The following NR3C2 variants were observed in gnomAD, a reference collection of about 807,000 sequenced individuals.
The protein encoded by NR3C2 is nuclear receptor subfamily 3 group C member 2.
Under a neutral mutation model 86.4 loss-of-function variants are expected in NR3C2, and 15 were observed. The ratio of observed to expected loss-of-function variants is 0.17; its 90% CI spans 0.12 to 0.27. The LOEUF (loss-of-function observed/expected upper bound fraction) is 0.27. Among genes scored for constraint, NR3C2 ranks in the 10% least tolerant of loss-of-function variants. NR3C2 has a pLI of 1.00. For synonymous variants in NR3C2, 458 were observed against 450.5 expected, an observed-to-expected ratio of 1.02 and a Z score of -0.21; for missense variants, 960 against 1,195.6, an observed-to-expected ratio of 0.80 and a Z score of 2.91.
intron 2 of NR3C2, among the ~76,000 whole-genome samples, chr4:148,273,918 C>T: frequency 6.6e-6 from 1 of 152,056 alleles, no homozygotes; most frequent in East Asian, 1.9e-4. Context: ...GCTGGTGCAG[C>T]TGGGGTGGAG....
At chr4:148,425,741 C>A (rs566060934) in intron 2 of NR3C2, among the ~76,000 whole-genome samples, 1 of 152,150 alleles carries the variant, frequency 6.6e-6, no homozygotes, top group African/African-American at 2.4e-5. Context: ...ATCTGATTTA[C>A]GTTTTTAAAA....
At chr4:148,387,325 C>T (rs1242394718) in intron 2 of NR3C2, among the ~76,000 whole-genome samples, 1 of 152,186 alleles carries the variant, frequency 6.6e-6, no homozygotes, top group Non-Finnish European at 1.5e-5. Flanking sequence ...TCAGAAAGAA[C>T]CTCAGATCCA....
intron 3 of NR3C2, among the ~76,000 whole-genome samples, chr4:148,236,881 T>C (rs1439774577): frequency 1.3e-5 from 2 of 152,296 alleles, no homozygotes; most frequent in African/African-American, 4.8e-5. Flanking sequence ...TTAAGATTAA[T>C]GGGATTGAAG....
intron 6 of NR3C2, among the ~76,000 whole-genome samples, chr4:148,128,017 G>A (rs369231133): frequency 1.3e-5 from 2 of 152,142 alleles, no homozygotes; most frequent in African/African-American, 4.8e-5. Flanking sequence ...TTTTTTCCTT[G>A]CTTTGGAGAG....
intron 4 of NR3C2, among the ~76,000 whole-genome samples, chr4:148,162,861 G>A (rs959359291): frequency 1.1e-4 from 16 of 152,112 alleles, no homozygotes; most frequent in African/African-American, 3.6e-4. Context: ...ACCTTGAGGA[G>A]TATCAGAAGG....
intron 6 of NR3C2, among the ~76,000 whole-genome samples, chr4:148,130,553 T>C (rs1732970650): frequency 6.6e-6 from 1 of 152,216 alleles, no homozygotes; most frequent in African/African-American, 2.4e-5. Context: ...TGTACTCTTC[T>C]GGATAGTGGG....
Position 148,137,686 on chromosome 4 carries a change from G to GT in NR3C2, c.2510+14782dup, listed in dbSNP as rs1327951740. Among the ~76,000 whole-genome samples, 4 of 152,160 alleles carry GT rather than the reference G, an allele frequency of 2.6e-5. No individual in the cohort carries two copies. In the East Asian group the frequency reaches 7.7e-4, roughly 29 times the overall value. The stretch of plus-strand genomic sequence containing the variant: ...CTAGTCCAGTGGTTCTCAAATTGTG[G>GT]TCTGAGGACGCCAGGGTGTCCCCAA... On this transcript the variant is annotated intron_variant, in intron 6 of 8. Coordinates refer to ENST00000358102, the MANE Select transcript of NR3C2 (RefSeq NM_000901.5).
chr4:148,286,960 C>G (rs1741555975), intron 2 of NR3C2, among the ~76,000 whole-genome samples: 1 of 152,184 alleles, frequency 6.6e-6, no homozygotes, highest in Non-Finnish European at 1.5e-5. Context: ...TATTCTGCAT[C>G]TGTATTTCCT....
rs565672808 is a variant in NR3C2, at chr4:148,080,853, G to C, written c.*491C>G. 1 of 393,824 alleles carries C rather than the reference G, an allele frequency of 2.5e-6. No individual in the cohort carries two copies. The highest frequency in any genetic ancestry group is 7.6e-5 in the East Asian group (1 of 13,072). The allele number at this position is 393,824 out of a possible 1,614,324, so 24.4% of individuals were successfully genotyped here. A position where few individuals can be genotyped will look rare whatever the true frequency, so the allele number is the denominator to read the frequency against. ...CACGAGTTCTGTTATTACACAACAGGAATCTGTATATATTTTTTTATTATT... is the reference window on the plus strand; with the variant it reads ...CACGAGTTCTGTTATTACACAACAGCAATCTGTATATATTTTTTTATTATT... On this transcript the variant is annotated 3_prime_UTR_variant, in exon 9 of 9. Transcript: ENST00000358102.
intron 4 of NR3C2, among the ~76,000 whole-genome samples, chr4:148,176,043 T>C (rs1735359779): frequency 6.6e-6 from 1 of 152,214 alleles, no homozygotes; most frequent in Non-Finnish European, 1.5e-5. Flanking sequence ...CTCTAGCAGT[T>C]GCTGACCATC....
chr4:148,174,290 TACTC>T (rs1181125889), intron 4 of NR3C2, among the ~76,000 whole-genome samples: 1 of 152,146 alleles, frequency 6.6e-6, no homozygotes, highest in Non-Finnish European at 1.5e-5. Context: ...TCTTATATAA[TACTC>T]AGAAGTCAGA....
chr4:148,122,953 G>A (rs1188151079), intron 6 of NR3C2, among the ~76,000 whole-genome samples: 1 of 152,118 alleles, frequency 6.6e-6, no homozygotes, highest in Admixed American at 6.5e-5. Flanking sequence ...CAACCAAAAG[G>A]TCTGACTGCC....
intron 6 of NR3C2, among the ~76,000 whole-genome samples, chr4:148,122,017 C>G (rs1191687421): frequency 1.8e-5 from 2 of 109,482 alleles, no homozygotes; most frequent in Admixed American, 9.5e-5. Flanking sequence ...TTCATTCCAA[C>G]CAGCAGAGCA....
chr4:148,426,967 T>C (rs111869279), intron 2 of NR3C2, among the ~76,000 whole-genome samples: 10,280 of 150,678 alleles, frequency 0.068, 1,142 homozygotes, highest in African/African-American at 0.24. Context: ...TTTTCTTTTT[T>C]TTTTTTGAGA....
At chr4:148,161,228 A>G (rs1734644819) in intron 4 of NR3C2, among the ~76,000 whole-genome samples, 1 of 152,272 alleles carries the variant, frequency 6.6e-6, no homozygotes, top group African/African-American at 2.4e-5. Context: ...AGATTAATCT[A>G]CATAATTTAA....
chr4:148,219,806 A>G (rs1737739772), intron 3 of NR3C2, among the ~76,000 whole-genome samples: 1 of 152,228 alleles, frequency 6.6e-6, no homozygotes, highest in African/African-American at 2.4e-5. Flanking sequence ...ATATGCGATG[A>G]GTTTTATTGT....
chr4:148,261,209 T>C (rs1012055362), intron 2 of NR3C2, among the ~76,000 whole-genome samples: 6 of 151,928 alleles, frequency 3.9e-5, no homozygotes, highest in Non-Finnish European at 7.4e-5. Context: ...TGGTAAGCGC[T>C]ATGGTAAGCC....
intron 8 of NR3C2, among the ~76,000 whole-genome samples, chr4:148,093,755 T>C (rs975083124): frequency 6.6e-6 from 1 of 152,164 alleles, no homozygotes; most frequent in African/African-American, 2.4e-5. Flanking sequence ...AGTGATTATA[T>C]AAGAAGTTTG....
intron 3 of NR3C2, among the ~76,000 whole-genome samples, chr4:148,251,181 AC>A (rs1171744839): frequency 6.6e-6 from 1 of 151,852 alleles, no homozygotes. Flanking sequence ...CTGGTCTCGA[AC>A]TCCTGAGCTC....
Sources: allele counts gnomAD v4.1 joint callset (sites outside exome capture counted in the v4.1 genomes callset), GRCh38; gene constraint gnomAD v4.1.1; transcripts MANE v1.5; gene names NCBI Gene and HGNC (gene_info 2026-07-23, HGNC 2026-07-21).